The following TRAPPC9 variants were observed in gnomAD, a reference collection of about 807,000 sequenced individuals.
TRAPPC9 encodes IKK2 binding protein.
In TRAPPC9, 83 loss-of-function variants were observed where a neutral mutation model predicts 124.0. The ratio of observed to expected loss-of-function variants is 0.67; its 90% CI spans 0.56 to 0.80. The LOEUF (loss-of-function observed/expected upper bound fraction) is 0.80. Among genes scored for constraint, TRAPPC9 ranks in the 30% least tolerant of loss-of-function variants. TRAPPC9 has a pLI of 0.00. For synonymous variants in TRAPPC9, 638 were observed against 617.5 expected, an observed-to-expected ratio of 1.03 and a Z score of -0.49; for missense variants, 1,302 against 1,508.3, an observed-to-expected ratio of 0.86 and a Z score of 2.27.
intron 21 of TRAPPC9, among the ~76,000 whole-genome samples, chr8:139,789,330 T>C (rs1400614898): frequency 2.6e-5 from 4 of 152,198 alleles, no homozygotes; most frequent in Admixed American, 2.6e-4. Context: ...TGGTCTTCCC[T>C]GCCCACTCCT....
rs11464909 is a variant in TRAPPC9 at position 140,427,092 on chromosome 8, A to ATTT, written c.860-454_860-452dup. Among the ~76,000 whole-genome samples, 85 of 138,400 alleles carry ATTT rather than the reference A, an allele frequency of 6.1e-4. No individual in the cohort carries two copies. The East Asian group carries it at 0.015, about 25-fold the overall frequency. The allele number at this position is 138,400 out of a possible 152,430, so 90.8% of individuals were successfully genotyped here. A position where few individuals can be genotyped will look rare whatever the true frequency, so the allele number is the denominator to read the frequency against. On this transcript the variant is annotated intron_variant, in intron 4 of 22. Coordinates refer to ENST00000438773, the MANE Select transcript of TRAPPC9 (RefSeq NM_001160372.4). ...AGGCGTGCGCCACCACGACCGGCTA[A>ATTT]TTTTTTTTTTTTTTTTGTATTTTTA...
intron 18 of TRAPPC9, among the ~76,000 whole-genome samples, chr8:139,990,032 GA>G (rs1837524450): frequency 6.6e-6 from 1 of 152,138 alleles, no homozygotes; most frequent in South Asian, 2.1e-4. Context: ...CATGGGGGGA[GA>G]AAACACAGAG....
At chr8:140,349,431 A>G (rs1271380607) in intron 9 of TRAPPC9, among the ~76,000 whole-genome samples, 1 of 139,906 alleles carries the variant, frequency 7.1e-6, no homozygotes, top group Non-Finnish European at 1.6e-5. Flanking sequence ...AGCGGGGCCG[A>G]TGGGGGCGCG....
rs549396563 is a variant in TRAPPC9 at position 139,821,882 on chromosome 8, G to T, written c.3055+63997C>A. Among the ~76,000 whole-genome samples, 9 of 152,302 alleles carry T rather than the reference G, an allele frequency of 5.9e-5. No homozygotes were observed. In the East Asian group the frequency reaches 1.7e-3, roughly 29 times the overall value. On this transcript the variant is annotated intron_variant, in intron 21 of 22. Coordinates refer to ENST00000438773, the MANE Select transcript of TRAPPC9 (RefSeq NM_001160372.4). Reference sequence around the variant, plus strand: ...AGGTAGCAGCTGGAGTTCTCCCCATGGAGCTCGACGGAGAGAAAATGAATC... The same window carrying T: ...AGGTAGCAGCTGGAGTTCTCCCCATTGAGCTCGACGGAGAGAAAATGAATC...
intron 17 of TRAPPC9, among the ~76,000 whole-genome samples, chr8:140,123,729 G>T (rs2061030126): frequency 1.3e-5 from 2 of 152,334 alleles, no homozygotes; most frequent in Non-Finnish European, 2.9e-5. Flanking sequence ...CTCCACAAGA[G>T]TAAGAACAAT....
rs139790482 is a variant in TRAPPC9 at position 139,834,266 on chromosome 8, T to C, written c.3055+51613A>G. ...AACGTCAGTCAAGGTTAGGTATTCT[T>C]GCATGATGGTGCCTACACCAGCTGG... On this transcript the variant is annotated intron_variant, in intron 21 of 22. Coordinates refer to ENST00000438773, the MANE Select transcript of TRAPPC9 (RefSeq NM_001160372.4). Among the ~76,000 whole-genome samples, 597 of 152,284 alleles carry C rather than the reference T, an allele frequency of 3.9e-3. 2 individuals carry two copies. Among genetic ancestry groups the C allele is most frequent in the Middle Eastern group, 0.024 (7 of 294 alleles).
In TRAPPC9 at chr8:140,097,064, CCAGGTCT is replaced by C. The variant is rs2130289099; in HGVS notation, c.2557-72992_2557-72986del. On this transcript the variant is annotated intron_variant, in intron 17 of 22. Transcript: ENST00000438773. This position sits in a 1 kb window ranked among gnomAD's most constrained non-coding sequence, Gnocchi z 4.2. ...CACGGGGCAGGGCAAAGATGCTCAC[CCAGGTCT>C]CAGGTTGCAGGTGGAGCTGTGTTGC... 6.6e-6 allele frequency: 1 copy of C among 152,522 alleles called. No individual in the cohort carries two copies. Among genetic ancestry groups the C allele is most frequent in the East Asian group, 1.9e-4 (1 of 5,182 alleles). The allele number at this position is 152,522 out of a possible 1,614,324, so 9.4% of individuals were successfully genotyped here.
intron 5 of TRAPPC9, among the ~76,000 whole-genome samples, chr8:140,422,477 G>C (rs548149448): frequency 6.0e-4 from 92 of 152,300 alleles, no homozygotes; most frequent in Non-Finnish European, 9.1e-4. Flanking sequence ...TTACTAGCCA[G>C]GTGCAGTGGC....
intron 17 of TRAPPC9, among the ~76,000 whole-genome samples, chr8:140,125,687 C>T (rs2061081691): frequency 6.7e-6 from 1 of 150,034 alleles, no homozygotes; most frequent in African/African-American, 2.5e-5. Flanking sequence ...CTCCACCTCC[C>T]GGGTTCATGC....
At chr8:140,360,234 A>G in intron 8 of TRAPPC9, 41 bp from the exon 9 acceptor site, 2 of 1,613,338 alleles carry the variant, frequency 1.2e-6, no homozygotes, top group South Asian at 2.2e-5. Flanking sequence ...GTGCTTGGAG[A>G]GGGTACAGGA....
chr8:140,299,307 G>C (rs891603225), intron 11 of TRAPPC9, among the ~76,000 whole-genome samples: 1 of 152,196 alleles, frequency 6.6e-6, no homozygotes, highest in Admixed American at 6.5e-5. Flanking sequence ...GTGGGCAGGG[G>C]GGGGTCAGGG....
intron 21 of TRAPPC9, among the ~76,000 whole-genome samples, chr8:139,747,507 A>C (rs1818985877): frequency 9.7e-6 from 1 of 102,942 alleles, no homozygotes; most frequent in South Asian, 4.0e-4. Flanking sequence ...AGGATCAGAG[A>C]AGATGCAGGG....
intron 11 of TRAPPC9, among the ~76,000 whole-genome samples, chr8:140,297,349 G>GACACACACACAC (rs1554663384): frequency 6.6e-6 from 1 of 151,544 alleles, no homozygotes; most frequent in African/African-American, 2.4e-5. Context: ...CACATGCATA[G>GACACACACACAC]ACACACACAC....
chr8:139,860,996 C>T (rs1041633213), intron 21 of TRAPPC9, among the ~76,000 whole-genome samples: 4 of 152,276 alleles, frequency 2.6e-5, no homozygotes, highest in African/African-American at 9.6e-5. Context: ...CTGGCGCCTA[C>T]CGGCTTTCTG....
At chr8:139,862,377 G>A (rs978394401) in intron 21 of TRAPPC9, among the ~76,000 whole-genome samples, 4 of 152,374 alleles carry the variant, frequency 2.6e-5, no homozygotes, top group South Asian at 2.1e-4. Context: ...TTACTCAGCC[G>A]TGTTCTTCCA....
intron 17 of TRAPPC9, among the ~76,000 whole-genome samples, chr8:140,054,211 G>A (rs1247436575): frequency 6.6e-6 from 1 of 152,152 alleles, no homozygotes; most frequent in Non-Finnish European, 1.5e-5. Flanking sequence ...TCTACCTGTT[G>A]GGTACTATGT....
intron 5 of TRAPPC9, among the ~76,000 whole-genome samples, chr8:140,422,222 CT>C (rs1180887654): frequency 3.3e-5 from 5 of 150,568 alleles, no homozygotes; most frequent in Admixed American, 2.6e-4. Context: ...CAGTACCTGT[CT>C]CCTAGAATCG....
intron 21 of TRAPPC9, among the ~76,000 whole-genome samples, chr8:139,798,453 G>C (rs549344060): frequency 7.9e-5 from 12 of 152,350 alleles, no homozygotes; most frequent in African/African-American, 2.9e-4. Flanking sequence ...ATTGAAATCA[G>C]AAGGGGGTTG....
At position 139,749,782 on chromosome 8, in the gene TRAPPC9, G is replaced by A. The variant is rs74614029; in HGVS notation, c.3056-17580C>T. Reference sequence around the variant, plus strand: ...GCCAGAGCCGGGCAGCTGGATGAGCGGGTGGCGGTTAGCTGCTGCCCCTGT... The same window carrying A: ...GCCAGAGCCGGGCAGCTGGATGAGCAGGTGGCGGTTAGCTGCTGCCCCTGT... On this transcript the variant is annotated intron_variant, in intron 21 of 22. Transcript: ENST00000438773. Among the ~76,000 whole-genome samples the A allele has an allele frequency of 7.3e-3, 1,118 of 152,300 alleles. 12 individuals are homozygous for A. Among genetic ancestry groups the A allele is most frequent in the African/African-American group, 0.025 (1,051 of 41,558 alleles).
Sources: gnomAD v4.1 joint callset for allele counts (sites outside exome capture counted in the v4.1 genomes callset) on GRCh38, gnomAD v4.1.1 for gene constraint, Gnocchi (gnomAD v3.1) non-coding constraint, MANE v1.5 for transcripts, NCBI Gene and HGNC (gene_info 2026-07-23, HGNC 2026-07-21) for gene names.